The following TARBP1 variants were observed in gnomAD, a reference collection of about 807,000 sequenced individuals.
TARBP1 encodes the protein tRNA guanosine 2 -O-methyltransferase TARBP1.
Under a neutral mutation model 178.6 loss-of-function variants are expected in TARBP1, and 144 were observed. The ratio of observed to expected loss-of-function variants is 0.81; its 90% CI spans 0.70 to 0.93. The LOEUF (loss-of-function observed/expected upper bound fraction) is 0.93, where lower values mean the gene tolerates loss of function less well. TARBP1 is among the 40% of genes least tolerant of loss of function. The pLI, the probability that TARBP1 is intolerant of heterozygous loss-of-function variation, is 0.00. For synonymous variants in TARBP1, 787 were observed against 781.0 expected (o/e 1.01, Z -0.13); for missense variants, 2,067 against 2,011.7 (o/e 1.03, Z -0.53).
chr1:234,473,353 C>A (rs1669256192), intron 1 of TARBP1, among the ~76,000 whole-genome samples: 1 of 152,218 alleles, frequency 6.6e-6, no homozygotes, highest in Non-Finnish European at 1.5e-5. Flanking sequence ...AAGAAACAGT[C>A]ACATCCCCAG....
intron 19 of TARBP1, among the ~76,000 whole-genome samples, chr1:234,427,026 C>T (rs1182250971): frequency 6.6e-6 from 1 of 152,132 alleles, no homozygotes; most frequent in Non-Finnish European, 1.5e-5. Flanking sequence ...ATCCCATCCC[C>T]GCAAAAGAAA....
In TARBP1 at chr1:234,465,646, G is replaced by A. The variant is rs754263898; in HGVS notation, c.1301+10C>T. On this transcript the variant is annotated intron_variant, in intron 5 of 29. Transcript: ENST00000040877. ...TGTATCAAATACTTCATAACATAAT[G>A]TCTCTTTACCTGCTATACAGAGAGC... The A allele has an allele frequency of 6.5e-6, 10 of 1,544,652 alleles. No homozygotes were observed. The highest frequency in any genetic ancestry group is 5.7e-5 in the African/African-American group (4 of 69,784).
At chr1:234,404,153 A>G (rs1349396352) in intron 24 of TARBP1, among the ~76,000 whole-genome samples, 27 of 152,244 alleles carry the variant, frequency 1.8e-4, no homozygotes, top group Admixed American at 1.8e-3. Flanking sequence ...ATCAACAACC[A>G]GGATCGAAAT....
In TARBP1 at chr1:234,478,722, G is replaced by A; in HGVS notation, c.382C>T (p.Leu128=). 1 of 1,198,868 alleles carries A rather than the reference G, an allele frequency of 8.3e-7. No individual in the cohort carries two copies. The highest frequency in any genetic ancestry group is 1.0e-6 in the Non-Finnish European group (1 of 967,280). 74.3% of individuals were successfully genotyped at this position (1,198,868 alleles called of 1,614,324 possible). ...AALAEEALRD[L]LAGWRAPGAE... The stretch of plus-strand genomic sequence containing the variant: ...CCAGGCGCGCGCCACCCGGCGAGCA[G>A]ATCGCGCAGCGCCTCCTCAGCCAGC... The change falls in exon 1 of 30, where the codon CTG becomes TTG. Residue 128 remains leucine, a synonymous_variant. Coordinates refer to ENST00000040877, the MANE Select transcript of TARBP1 (RefSeq NM_005646.4).
intron 1 of TARBP1, among the ~76,000 whole-genome samples, chr1:234,476,026 T>G (rs1350702554): frequency 7.0e-6 from 1 of 143,304 alleles, no homozygotes; most frequent in Non-Finnish European, 1.5e-5. Context: ...TAGTAAGACA[T>G]AAAAAAAAGC....
intron 22 of TARBP1, among the ~76,000 whole-genome samples, chr1:234,417,095 T>C (rs1282091634): frequency 1.3e-5 from 2 of 152,062 alleles, no homozygotes; most frequent in African/African-American, 4.8e-5. Flanking sequence ...AGGCGTGAAA[T>C]TAAAGTGGGG....
At position 234,394,386 on chromosome 1, in the gene TARBP1, G is replaced by A. The variant is rs937147255; in HGVS notation, c.4244-549C>T. On this transcript the variant is annotated intron_variant, in intron 26 of 29. Coordinates refer to ENST00000040877, the MANE Select transcript of TARBP1 (RefSeq NM_005646.4). ...GACACAGAACGTTACTAGCCTATCT[G>A]ACTGCAGTGTTTTCATCTCTGTAGT... Among the ~76,000 whole-genome samples, 4 of 152,196 alleles carry A rather than the reference G, an allele frequency of 2.6e-5. No homozygotes were observed. The South Asian group carries it at 6.2e-4, about 24-fold the overall frequency.
At chr1:234,465,833 C>T in intron 4 of TARBP1, 125 bp from the exon 5 acceptor site, 2 of 795,688 alleles carry the variant, frequency 2.5e-6, no homozygotes, top group East Asian at 6.1e-5. Flanking sequence ...CAAAGCTGAT[C>T]TCTTACGCTG....
At chr1:234,451,280 ATC>A (rs1666726409) in intron 9 of TARBP1, among the ~76,000 whole-genome samples, 1 of 152,228 alleles carries the variant, frequency 6.6e-6, no homozygotes, top group Admixed American at 6.5e-5. Flanking sequence ...TTTTTATAAT[ATC>A]TGTCTTAATA....
Position 234,459,245 on chromosome 1 carries a change from C to A in TARBP1, c.1617G>T (p.Met539Ile). The change falls in exon 8 of 30, where the codon ATG becomes ATT. Residue 539 changes from methionine (M) to isoleucine (I), a missense_variant. By Grantham distance (10) the Met-to-Ile change is conservative (BLOSUM62 1). Coordinates refer to ENST00000040877, the MANE Select transcript of TARBP1 (RefSeq NM_005646.4). ...AAAAACTTACCACATCTAGCAAATT[C>A]ATAGCTGTTTGAAGAAGGTAGCATT... ...AAQCYLLQTA[M>I]NLLDVEKVSL... The A allele has an allele frequency of 1.2e-6, 2 of 1,611,590 alleles. No individual in the cohort carries two copies. Among genetic ancestry groups the A allele is most frequent in the Non-Finnish European group, 1.7e-6 (2 of 1,179,200 alleles).
intron 13 of TARBP1, among the ~76,000 whole-genome samples, chr1:234,434,446 C>T (rs1034425309): frequency 3.9e-5 from 6 of 152,106 alleles, no homozygotes; most frequent in East Asian, 1.9e-4. Context: ...CAGAAGGTAA[C>T]GATTACAAGA....
chr1:234,409,080 G>A (rs529597230), intron 23 of TARBP1, among the ~76,000 whole-genome samples: 1 of 152,094 alleles, frequency 6.6e-6, no homozygotes, highest in Admixed American at 6.5e-5. Flanking sequence ...AGGTAACAAC[G>A]GACTTTACGT....
chr1:234,467,492 G>T lies in TARBP1; in HGVS notation c.1248+10C>A, dbSNP rs1668567128. ...CAATGGGAGCAAGGAAGGGGACAGG[G>T]TGTCATTACCTCAGAAAATTCTGGT... is the stretch of plus-strand genomic sequence containing the variant. On this transcript the variant is annotated intron_variant, in intron 4 of 29. Coordinates refer to ENST00000040877, the MANE Select transcript of TARBP1 (RefSeq NM_005646.4). The T allele has an allele frequency of 6.4e-7, 1 of 1,573,854 alleles. No homozygotes were observed. The highest frequency in any genetic ancestry group is 2.4e-5 in the East Asian group (1 of 42,360).
At chr1:234,420,918 G>T in intron 20 of TARBP1, 106 bp from the exon 21 acceptor site, 1 of 588,548 alleles carries the variant, frequency 1.7e-6, no homozygotes, top group Non-Finnish European at 2.9e-6. Flanking sequence ...ATTAGGCACA[G>T]GGGCTTTTTC....
Position 234,425,807 on chromosome 1 carries a change from A to C in TARBP1, c.3324-14T>G. Reference sequence around the variant, plus strand: ...TCTCTCTTAGTACTAAAAAAATTAAATGATAAATTATGTTAATACATTTTG... The same window carrying C: ...TCTCTCTTAGTACTAAAAAAATTAACTGATAAATTATGTTAATACATTTTG... On this transcript the variant is annotated splice_polypyrimidine_tract_variant and intron_variant, in intron 19 of 29. Transcript: ENST00000040877. The C allele has an allele frequency of 2.0e-6, 3 of 1,505,160 alleles. No individual in the cohort carries two copies. The highest frequency in any genetic ancestry group is 2.7e-6 in the Non-Finnish European group (3 of 1,103,546). 93.2% of individuals were successfully genotyped at this position (1,505,160 alleles called of 1,614,324 possible).
At chr1:234,425,898 T>C in intron 19 of TARBP1, 105 bp from the exon 20 acceptor site, 1 of 912,114 alleles carries the variant, frequency 1.1e-6, no homozygotes, top group Non-Finnish European at 1.6e-6. Flanking sequence ...CTCTCAAAGT[T>C]TTCTAAAATT....
chr1:234,427,810 TA>T, intron 17 of TARBP1, 44 bp from the exon 18 acceptor site: 7 of 1,358,710 alleles, frequency 5.2e-6, no homozygotes, highest in Non-Finnish European at 6.7e-6. Flanking sequence ...ATTTAGTTTT[TA>T]AAAAATCAGT....
intron 22 of TARBP1, among the ~76,000 whole-genome samples, chr1:234,412,197 G>A (rs536309048): frequency 4.1e-4 from 62 of 152,284 alleles, no homozygotes; most frequent in Middle Eastern, 3.4e-3. Flanking sequence ...GCCGAGGCAG[G>A]TGGATCACAA....
At chr1:234,437,147 G>T in intron 13 of TARBP1, 128 bp downstream of exon 13, 3 of 454,736 alleles carry the variant, frequency 6.6e-6, no homozygotes, top group Non-Finnish European at 7.6e-6. Flanking sequence ...TTTTTTTGCT[G>T]CTTCCTAAGA....
Sources: allele counts gnomAD v4.1 joint callset (sites outside exome capture counted in the v4.1 genomes callset), GRCh38; gene constraint gnomAD v4.1.1; transcripts MANE v1.5; gene names NCBI Gene and HGNC (gene_info 2026-07-23, HGNC 2026-07-21).